NFXL1: variants seen among roughly 807,000 people sequenced by gnomAD.
The protein encoded by NFXL1 is nuclear transcription factor, X-box binding like 1, also known as NF-X1-type zinc finger protein NFXL1.
In NFXL1, 66 loss-of-function variants were observed where a neutral mutation model predicts 123.3. The observed-to-expected ratio is 0.54, with a 90% CI of 0.44 to 0.66. NFXL1 has a LOEUF of 0.66. Among genes scored for constraint, NFXL1 ranks in the 30% least tolerant of loss-of-function variants. The pLI is 0.00. For missense variants in NFXL1, 944 were observed against 1,125.6 expected, an observed-to-expected ratio of 0.84 and a Z score of 2.31; for synonymous variants, 346 against 360.8, an observed-to-expected ratio of 0.96 and a Z score of 0.46.
intron 18 of NFXL1, 25 bp from the exon 19 acceptor site, chr4:47,862,940 T>C: frequency 7.5e-7 from 1 of 1,338,484 alleles, no homozygotes; most frequent in Admixed American, 2.3e-5. Flanking sequence ...GTTGATGACA[T>C]TCAAACAAAA....
chr4:47,899,138 CAAAAAAAAAAA>C lies in NFXL1; in HGVS notation c.827-29_827-19del. 1 of 1,210,924 alleles carries C rather than the reference CAAAAAAAAAAA, an allele frequency of 8.3e-7. No individual in the cohort carries two copies. The highest frequency in any genetic ancestry group is 1.1e-6 in the Non-Finnish European group (1 of 930,122). The allele number at this position is 1,210,924 out of a possible 1,614,324, so 75.0% of individuals were successfully genotyped here. A position where few individuals can be genotyped will look rare whatever the true frequency, so the allele number is the denominator to read the frequency against. The stretch of plus-strand genomic sequence containing the variant: ...GCAGGGACCTAGAATTCAGTAAAAG[CAAAAAAAAAAA>C]AAAAAAAAAAATCTAAAGTCAGAAA... On this transcript the variant is annotated intron_variant, in intron 6 of 22. Transcript: ENST00000507489.
intron 22 of NFXL1, among the ~76,000 whole-genome samples, chr4:47,849,924 A>T (rs1734020783): frequency 6.6e-6 from 1 of 151,680 alleles, no homozygotes; most frequent in South Asian, 2.1e-4. Flanking sequence ...AATAGGTGTT[A>T]CACTGTATTT....
At chr4:47,880,807 T>TAAAAAA (rs57880960) in intron 15 of NFXL1, among the ~76,000 whole-genome samples, 30 of 78,794 alleles carry the variant, frequency 3.8e-4, no homozygotes, top group East Asian at 8.0e-4. Flanking sequence ...AATTAATGAG[T>TAAAAAA]AAAAAAAAAA....
intron 15 of NFXL1, among the ~76,000 whole-genome samples, chr4:47,879,537 A>C (rs1735954226): frequency 6.6e-6 from 1 of 152,204 alleles, no homozygotes; most frequent in Non-Finnish European, 1.5e-5. Context: ...TTCCAATCAA[A>C]ATCCCAGCAA....
At chr4:47,848,991 C>A (rs1285168074) in intron 22 of NFXL1, among the ~76,000 whole-genome samples, 4 of 152,116 alleles carry the variant, frequency 2.6e-5, no homozygotes, top group Admixed American at 2.0e-4. Flanking sequence ...TATACTTCAA[C>A]CCAATTATTA....
chr4:47,875,256 G>A lies in NFXL1; in HGVS notation c.2117C>T (p.Ser706Phe), dbSNP rs1308449466. The A allele has an allele frequency of 6.2e-7, 1 of 1,613,012 alleles. No homozygotes were observed. The highest frequency in any genetic ancestry group is 1.3e-5 in the African/African-American group (1 of 74,842). The change falls in exon 18 of 23, where the codon TCC (serine) becomes TTC (phenylalanine). Residue 706 changes from serine to phenylalanine, a missense_variant. By Grantham distance (155) the Ser-to-Phe change is radical. Transcript: ENST00000507489. ...AAGACAACCTAGTGGCCGTGACTTG[G>A]AGCACCCTTCCTCACAATGAAGGCA... ...PECLHCEEGC[S>F]KSRPLGCLHP...
chr4:47,851,601 G>A (rs1437578934), intron 21 of NFXL1, among the ~76,000 whole-genome samples: 1 of 151,872 alleles, frequency 6.6e-6, no homozygotes, highest in Non-Finnish European at 1.5e-5. Context: ...TTGATGGAGG[G>A]GAAGAGTAAC....
intron 3 of NFXL1, among the ~76,000 whole-genome samples, chr4:47,908,599 T>C (rs913380379): frequency 2.0e-4 from 31 of 152,058 alleles, no homozygotes; most frequent in Admixed American, 5.2e-4. Context: ...ATTAGTATAG[T>C]GTAGATGGAG....
chr4:47,862,724 C>T (rs1420650730), intron 19 of NFXL1, 122 bp downstream of exon 19: 6 of 717,710 alleles, frequency 8.4e-6, no homozygotes, highest in East Asian at 7.9e-5. Context: ...ATATGTCTTA[C>T]GTGTTTATTT....
At chr4:47,887,993 C>T (rs1400379311) in intron 12 of NFXL1, among the ~76,000 whole-genome samples, 2 of 151,754 alleles carry the variant, frequency 1.3e-5, no homozygotes, top group Admixed American at 6.6e-5. Flanking sequence ...AACTATAAAT[C>T]GGCTGGGCGC....
chr4:47,872,629 A>T (rs1247511206), intron 18 of NFXL1, among the ~76,000 whole-genome samples: 2 of 152,236 alleles, frequency 1.3e-5, no homozygotes, highest in Non-Finnish European at 2.9e-5. Context: ...ATGTTTACAC[A>T]ATACTGCAAT....
chr4:47,868,164 A>G (rs1735210170), intron 18 of NFXL1, among the ~76,000 whole-genome samples: 2 of 152,012 alleles, frequency 1.3e-5, no homozygotes, highest in African/African-American at 4.8e-5. Context: ...AAATACAAAA[A>G]CAAAATTAGC....
intron 15 of NFXL1, among the ~76,000 whole-genome samples, chr4:47,881,529 T>C (rs10938503): frequency 0.72 from 109,028 of 151,980 alleles, 39,582 homozygotes; most frequent in South Asian, 0.76. Flanking sequence ...CTCCTAAGTA[T>C]TTACCCAAAT....
intron 12 of NFXL1, among the ~76,000 whole-genome samples, chr4:47,889,287 A>C (rs939502194): frequency 6.6e-6 from 1 of 152,228 alleles, no homozygotes; most frequent in Non-Finnish European, 1.5e-5. Flanking sequence ...AATGACTATA[A>C]AAGAAAATAA....
chr4:47,882,534 T>C (rs1029351261), intron 15 of NFXL1, among the ~76,000 whole-genome samples: 4 of 152,214 alleles, frequency 2.6e-5, no homozygotes, highest in Non-Finnish European at 5.9e-5. Context: ...ATTAAACAAC[T>C]ATAGAGCTGT....
At chr4:47,898,729 C>G in intron 8 of NFXL1, 28 bp downstream of exon 8, 1 of 1,311,544 alleles carries the variant, frequency 7.6e-7, no homozygotes. Context: ...TCTTTAATAC[C>G]CACCCCTCAA....
chr4:47,905,379 A>AT (rs768347608), intron 3 of NFXL1, 33 bp from the exon 4 acceptor site: 6 of 1,047,388 alleles, frequency 5.7e-6, no homozygotes, highest in Non-Finnish European at 8.9e-6. Flanking sequence ...TCTCACCCTA[A>AT]ACAACATCTG....
intron 14 of NFXL1, among the ~76,000 whole-genome samples, chr4:47,885,058 G>A (rs1330366080): frequency 6.6e-6 from 1 of 151,606 alleles, no homozygotes; most frequent in Non-Finnish European, 1.5e-5. Flanking sequence ...CCCGGGAGGT[G>A]GAGGTTGCAG....
At chr4:47,873,146 C>T (rs1226449681) in intron 18 of NFXL1, among the ~76,000 whole-genome samples, 1 of 152,186 alleles carries the variant, frequency 6.6e-6, no homozygotes, top group African/African-American at 2.4e-5. Flanking sequence ...ACAATTCAGT[C>T]CCATCTATAG....
Sources: gnomAD v4.1 joint callset for allele counts (sites outside exome capture counted in the v4.1 genomes callset) on GRCh38, gnomAD v4.1.1 for gene constraint, MANE v1.5 for transcripts, NCBI Gene and HGNC (gene_info 2026-07-23, HGNC 2026-07-21) for gene names.